The following MACROD2 variants were observed in gnomAD, a reference collection of about 807,000 sequenced individuals.
MACROD2 encodes mono-ADP ribosylhydrolase 2, also known as ADP-ribose glycohydrolase MACROD2.
Under a neutral mutation model 70.4 loss-of-function variants are expected in MACROD2, and 36 were observed. The observed-to-expected ratio is 0.51, with a 90% CI of 0.39 to 0.68. The LOEUF (loss-of-function observed/expected upper bound fraction) is 0.68. Among genes scored for constraint, MACROD2 ranks in the 30% least tolerant of loss-of-function variants. The pLI is 0.00. For missense variants in MACROD2, 496 were observed against 538.4 expected (o/e 0.92, Z 0.78); for synonymous variants, 172 against 178.8 (o/e 0.96, Z 0.30).
chr20:15,228,861 A>G (rs2076935049), intron 5 of MACROD2, among the ~76,000 whole-genome samples: 1 of 151,956 alleles, frequency 6.6e-6, no homozygotes, highest in Non-Finnish European at 1.5e-5. Flanking sequence ...CCATATTCTT[A>G]TTTTTGTATA....
intron 7 of MACROD2, among the ~76,000 whole-genome samples, chr20:15,459,156 G>C (rs902581267): frequency 6.6e-6 from 1 of 152,034 alleles, no homozygotes; most frequent in African/African-American, 2.4e-5. Flanking sequence ...ATTTAAAGCT[G>C]GGAAATTTGC....
At chr20:14,215,090 ATTCCATCATATATATC>A (rs1156845894) in intron 3 of MACROD2, among the ~76,000 whole-genome samples, 7 of 146,772 alleles carry the variant, frequency 4.8e-5, no homozygotes, top group African/African-American at 1.3e-4. Context: ...ATATATATCT[ATTCCATCATATATATC>A]TATTCCATCA....
intron 6 of MACROD2, among the ~76,000 whole-genome samples, chr20:15,304,303 G>T (rs2077675332): frequency 6.6e-6 from 1 of 152,108 alleles, no homozygotes; most frequent in African/African-American, 2.4e-5. Context: ...CCATGGGACT[G>T]GTCCATCCCA....
intron 3 of MACROD2, among the ~76,000 whole-genome samples, chr20:14,164,871 A>G (rs6079331): frequency 0.95 from 144,663 of 152,278 alleles, 68,737 homozygotes; most frequent in East Asian, 0.99. Flanking sequence ...GGCGGCTGGG[A>G]CGCATGCACT....
chr20:15,446,426 G>T (rs1023614970), intron 7 of MACROD2, among the ~76,000 whole-genome samples: 2 of 152,168 alleles, frequency 1.3e-5, no homozygotes, highest in South Asian at 4.1e-4. Context: ...CTAAAGCAGA[G>T]GCGTTTTGCA....
intron 3 of MACROD2, among the ~76,000 whole-genome samples, chr20:14,236,503 C>T (rs901307462): frequency 2.6e-5 from 4 of 151,924 alleles, no homozygotes; most frequent in Non-Finnish European, 5.9e-5. Context: ...ACTACATCTG[C>T]CACCTTGCAT....
intron 5 of MACROD2, among the ~76,000 whole-genome samples, chr20:15,206,026 C>G (rs2076698494): frequency 6.6e-6 from 1 of 152,160 alleles, no homozygotes; most frequent in Non-Finnish European, 1.5e-5. Flanking sequence ...TTTCAAACAT[C>G]TCTCTGAAAA....
chr20:14,215,052 A>G (rs1295035963), intron 3 of MACROD2, among the ~76,000 whole-genome samples: 4 of 148,746 alleles, frequency 2.7e-5, no homozygotes, highest in African/African-American at 5.0e-5. Flanking sequence ...CATCATATAT[A>G]TATATTCCAT....
chr20:14,614,193 A>C (rs1056057731), intron 4 of MACROD2, among the ~76,000 whole-genome samples: 1 of 152,084 alleles, frequency 6.6e-6, no homozygotes, highest in Non-Finnish European at 1.5e-5. Flanking sequence ...AATTACTTCA[A>C]CCTTCTGCCC....
At chr20:14,449,101 C>T (rs1456220358) in intron 3 of MACROD2, among the ~76,000 whole-genome samples, 1 of 151,898 alleles carries the variant, frequency 6.6e-6, no homozygotes, top group Non-Finnish European at 1.5e-5. Flanking sequence ...CATTAGCTTG[C>T]TTTAACTAAG....
chr20:14,230,688 T>TATATATAAAAACACAGGCTGGGCCC (rs2081801194), intron 3 of MACROD2, among the ~76,000 whole-genome samples: 1 of 124,574 alleles, frequency 8.0e-6, no homozygotes, highest in African/African-American at 3.4e-5. Flanking sequence ...TATATATATA[T>TATATATAAAAACACAGGCTGGGCCC]ATATATATAT....
intron 3 of MACROD2, among the ~76,000 whole-genome samples, chr20:14,369,932 G>A (rs2083307125): frequency 6.6e-6 from 1 of 152,086 alleles, no homozygotes; most frequent in Admixed American, 6.5e-5. Context: ...GAAAAATTCT[G>A]GCTGCTGAAA....
In MACROD2 at chr20:14,824,076, A is replaced by G. The variant is rs576467255; in HGVS notation, c.418+139117A>G. Reference sequence around the variant, plus strand: ...ACACATAAAAATTTCCCACAACTATATGAAAATTCCAAAATTTATCTATAT... The same window carrying G: ...ACACATAAAAATTTCCCACAACTATGTGAAAATTCCAAAATTTATCTATAT... On this transcript the variant is annotated intron_variant, in intron 5 of 17. Coordinates refer to ENST00000684519, the MANE Select transcript of MACROD2 (RefSeq NM_001351661.2). Among the ~76,000 whole-genome samples the G allele has an allele frequency of 1.1e-4, 17 of 152,256 alleles. No homozygotes were observed. The South Asian group carries it at 2.1e-3, about 19-fold the overall frequency.
chr20:15,476,318 C>T (rs1391323229), intron 7 of MACROD2, among the ~76,000 whole-genome samples: 2 of 152,282 alleles, frequency 1.3e-5, no homozygotes, highest in East Asian at 3.9e-4. Context: ...GCTTTTGTGA[C>T]ATATCACTCT....
At chr20:15,332,461 TTATAA>T (rs2078002997) in intron 6 of MACROD2, among the ~76,000 whole-genome samples, 2 of 151,580 alleles carry the variant, frequency 1.3e-5, no homozygotes, top group Non-Finnish European at 2.9e-5. Flanking sequence ...AGCATTACAA[TTATAA>T]TATATGTGAT....
chr20:15,835,984 C>A (rs547417792), intron 8 of MACROD2, among the ~76,000 whole-genome samples: 9 of 152,294 alleles, frequency 5.9e-5, no homozygotes, highest in South Asian at 2.1e-4. Context: ...TTCTAAGAAG[C>A]CCCTGGGAAC....
At chr20:15,905,432 T>G (rs1467800140) in intron 10 of MACROD2, among the ~76,000 whole-genome samples, 2 of 152,236 alleles carry the variant, frequency 1.3e-5, no homozygotes, top group African/African-American at 4.8e-5. Flanking sequence ...TTAGACTATG[T>G]GTTTAACAAT....
At chr20:15,642,899 G>C (rs1286458612) in intron 8 of MACROD2, among the ~76,000 whole-genome samples, 1 of 152,070 alleles carries the variant, frequency 6.6e-6, no homozygotes, top group Non-Finnish European at 1.5e-5. Flanking sequence ...AAGATTACTT[G>C]CATGCCAACT....
intron 6 of MACROD2, among the ~76,000 whole-genome samples, chr20:15,402,948 T>C (rs1600359907): frequency 2.0e-5 from 3 of 151,918 alleles, no homozygotes; most frequent in Admixed American, 6.5e-5. Flanking sequence ...CAGGTGTTTT[T>C]TTTGTTTTGT....
Sources: allele counts gnomAD v4.1 joint callset (sites outside exome capture counted in the v4.1 genomes callset), GRCh38; gene constraint gnomAD v4.1.1; transcripts MANE v1.5; gene names NCBI Gene and HGNC (gene_info 2026-07-23, HGNC 2026-07-21).